Variants in IFFO1 observed in about 807,000 individuals in gnomAD.
IFFO1 encodes non-homologous end joining factor IFFO1.
IFFO1 carries 42 observed loss-of-function variants against 59.6 expected under a neutral mutation model. That is an observed-to-expected ratio of 0.70 (90% CI 0.55 to 0.91). IFFO1 has a LOEUF of 0.91. Ranked by LOEUF, IFFO1 falls within the 40% of genes least tolerant of loss-of-function variation. IFFO1 has a pLI of 0.00. For synonymous variants in IFFO1, 336 were observed against 342.8 expected (o/e 0.98, Z 0.22); for missense variants, 711 against 793.2 (o/e 0.90, Z 1.24).
intron 8 of IFFO1, among the ~76,000 whole-genome samples, 200 bp downstream of exon 8, chr12:6,547,865 C>G (rs1016197918): frequency 6.6e-6 from 1 of 152,078 alleles, no homozygotes; most frequent in South Asian, 2.1e-4. Context: ...AGTAACAGAG[C>G]TGAGATTTGA....
chr12:6,550,091 G>A (rs1341471212), intron 3 of IFFO1, 195 bp from the exon 4 acceptor site: 1 of 561,516 alleles, frequency 1.8e-6, no homozygotes, highest in Non-Finnish European at 3.0e-6. Context: ...TGCTGGGCAT[G>A]GGGCGGCTCG....
Position 6,549,143 on chromosome 12 carries a change from G to A in IFFO1, c.1081-294C>T. 5 of 503,598 alleles carry A rather than the reference G, an allele frequency of 9.9e-6. No individual in the cohort carries two copies. The highest frequency in any genetic ancestry group is 1.4e-5 in the Non-Finnish European group (4 of 286,874). The allele number at this position is 503,598 out of a possible 1,614,324, so 31.2% of individuals were successfully genotyped here. A position where few individuals can be genotyped will look rare whatever the true frequency, so the allele number is the denominator to read the frequency against. On this transcript the variant is annotated intron_variant, in intron 5 of 9. Transcript: ENST00000619571. The surrounding 1 kb of genome is among the most constrained non-coding windows in gnomAD (Gnocchi z 5.0). ...CAGTCAGATGTGCATGATGGCTCAA[G>A]AGGAAATTTTTTTCTAAAAAAAGTC...
In IFFO1 at chr12:6,555,883, A is replaced by G; in HGVS notation, c.147T>C (p.Ala49=). Residue 49 remains alanine (A), a synonymous_variant, in exon 1 of 10, where the codon GCT becomes GCC. Coordinates refer to ENST00000619571, the MANE Select transcript of IFFO1 (RefSeq NM_001193457.2). The surrounding 1 kb of genome is among the most constrained non-coding windows in gnomAD (Gnocchi z 8.6). ...GGCCCGGCCCGGGCGGCGAGTAGGC[A>G]GCAGGGCCGGCCGGCGAGAGAGGCG... ...PPAPLSPAGP[A]AYSPPGPGPA... is the part of the protein sequence containing the mutation. 6.9e-6 allele frequency: 11 copies of G among 1,595,260 alleles called. No homozygotes were observed. Among genetic ancestry groups the G allele is most frequent in the Non-Finnish European group, 7.7e-6 (9 of 1,173,608 alleles).
chr12:6,554,275 C>T (rs1005153731), intron 1 of IFFO1, among the ~76,000 whole-genome samples: 5 of 152,136 alleles, frequency 3.3e-5, no homozygotes, highest in Non-Finnish European at 5.9e-5. Context: ...GTCATAATAG[C>T]TGAGATGAGA....
rs547588473 is a variant in IFFO1, at chr12:6,545,701, A to G, written c.1479+2364T>C. 7.3e-5 allele frequency among the ~76,000 whole-genome samples: 11 copies of G among 150,284 alleles called. No individual in the cohort carries two copies. The East Asian group carries it at 2.2e-3, about 30-fold the overall frequency. ...TGACACAGCGAGACTCCGTCTCGGA[A>G]AAAAAAAAAAAAACCTCACTCTATC... On this transcript the variant is annotated intron_variant, in intron 8 of 9. Transcript: ENST00000619571.
In IFFO1 at chr12:6,540,451, G is replaced by T; in HGVS notation, c.*32C>A. ...TCTGCCTCGCTGAGCTCCCTGCTGC[G>T]AGGGCCTCGGGTGCAAGGGGGAGGC... On this transcript the variant is annotated 3_prime_UTR_variant, in exon 10 of 10. Transcript: ENST00000619571. 1 of 1,548,746 alleles carries T rather than the reference G, an allele frequency of 6.5e-7. No individual in the cohort carries two copies. The highest frequency in any genetic ancestry group is 8.9e-7 in the Non-Finnish European group (1 of 1,120,752).
At chr12:6,552,512 C>G (rs1947274937) in intron 1 of IFFO1, among the ~76,000 whole-genome samples, 1 of 152,214 alleles carries the variant, frequency 6.6e-6, no homozygotes. Context: ...AGCTAAGACC[C>G]TTATCTTTTC....
In IFFO1 at chr12:6,549,175, A is replaced by G; in HGVS notation, c.1080+301T>C. 2.0e-6 allele frequency: 1 copy of G among 504,858 alleles called. No individual in the cohort carries two copies. The highest frequency in any genetic ancestry group is 3.5e-6 in the Non-Finnish European group (1 of 288,252). The allele number at this position is 504,858 out of a possible 1,614,324, so 31.3% of individuals were successfully genotyped here. A position where few individuals can be genotyped will look rare whatever the true frequency, so the allele number is the denominator to read the frequency against. ...TTTTTTTCTAAAAAAAGTCTTTTTG[A>G]TTAAATGACTCAACTAAAAAAAAAA... On this transcript the variant is annotated intron_variant, in intron 5 of 9. Coordinates refer to ENST00000619571, the MANE Select transcript of IFFO1 (RefSeq NM_001193457.2). The surrounding 1 kb of genome is among the most constrained non-coding windows in gnomAD (Gnocchi z 5.0).
chr12:6,555,176 T>A lies in IFFO1; in HGVS notation c.773+81A>T. 7.1e-7 allele frequency: 1 copy of A among 1,402,278 alleles called. No homozygotes were observed. The highest frequency in any genetic ancestry group is 1.0e-6 in the Non-Finnish European group (1 of 989,204). The allele number at this position is 1,402,278 out of a possible 1,614,324, so 86.9% of individuals were successfully genotyped here. The stretch of plus-strand genomic sequence containing the variant: ...TTACTCTCATTCTTTTCACCCCTGA[T>A]TCTTCGGAACCCACACCAACTCGCG... On this transcript the variant is annotated intron_variant, in intron 1 of 9. Coordinates refer to ENST00000619571, the MANE Select transcript of IFFO1 (RefSeq NM_001193457.2). This position sits in a 1 kb window ranked among gnomAD's most constrained non-coding sequence, Gnocchi z 8.6.
At chr12:6,550,852 C>T in intron 2 of IFFO1, 62 bp from the exon 3 acceptor site, 1 of 1,602,628 alleles carries the variant, frequency 6.2e-7, no homozygotes, top group Non-Finnish European at 8.5e-7. Context: ...GATAAAGATG[C>T]CAAGGAGGGA....
intron 1 of IFFO1, 36 bp from the exon 2 acceptor site, chr12:6,551,037 A>G (rs763372317): frequency 3.7e-6 from 6 of 1,607,932 alleles, no homozygotes; most frequent in South Asian, 3.3e-5. Flanking sequence ...GAGCTTAGGT[A>G]CAGAGTCCTT....
At chr12:6,545,734 G>A (rs988802192) in intron 8 of IFFO1, among the ~76,000 whole-genome samples, 1 of 150,794 alleles carries the variant, frequency 6.6e-6, no homozygotes, top group Non-Finnish European at 1.5e-5. Flanking sequence ...ATCCAGACCA[G>A]GACATGAACC....
rs1947392701 is a variant in IFFO1 at position 6,555,405 on chromosome 12, G to C, written c.625C>G (p.Leu209Val). The change falls in exon 1 of 10, where the codon CTG becomes GTG. Residue 209 changes from leucine to valine, a missense_variant. Leu to Val is a conservative substitution (Grantham distance 32, BLOSUM62 1). Coordinates refer to ENST00000619571, the MANE Select transcript of IFFO1 (RefSeq NM_001193457.2). The surrounding 1 kb of genome is among the most constrained non-coding windows in gnomAD (Gnocchi z 8.6). ...GGCCCTTGCACCAGAGTGGGCTCCA[G>C]TCCCGGCCCGAGCCGGCGGGCGTGC... The part of the protein sequence containing the change: ...FSHARRLGPG[L>V]EPTLVQGPGL... 7 of 1,614,118 alleles carry C rather than the reference G, an allele frequency of 4.3e-6. No homozygotes were observed. The highest frequency in any genetic ancestry group is 5.9e-6 in the Non-Finnish European group (7 of 1,179,984).
At position 6,540,480 on chromosome 12, in the gene IFFO1, T is replaced by C. The variant is rs767978789; in HGVS notation, c.*3A>G. ...GCCTCGGGTGCAAGGGGGAGGCAGG[T>C]CTCTATCTCATGGAGCTGTCAGATG... On this transcript the variant is annotated 3_prime_UTR_variant, in exon 10 of 10. Coordinates refer to ENST00000619571, the MANE Select transcript of IFFO1 (RefSeq NM_001193457.2). The C allele has an allele frequency of 1.2e-6, 2 of 1,611,918 alleles. No homozygotes were observed. The highest frequency in any genetic ancestry group is 1.7e-6 in the Non-Finnish European group (2 of 1,178,136).
chr12:6,541,382 G>A lies in IFFO1; in HGVS notation c.1610+130C>T. ...TGTGGGTCTGGGCCAGCCCCACCAG[G>A]TAACTCCCAAAGGGCAGCCCCACAG... On this transcript the variant is annotated intron_variant, in intron 9 of 9. Coordinates refer to ENST00000619571, the MANE Select transcript of IFFO1 (RefSeq NM_001193457.2). The surrounding 1 kb of genome is among the most constrained non-coding windows in gnomAD (Gnocchi z 4.8). The A allele has an allele frequency of 3.4e-6, 4 of 1,187,714 alleles. No individual in the cohort carries two copies. The highest frequency in any genetic ancestry group is 1.4e-5 in the South Asian group (1 of 69,932). 73.6% of individuals were successfully genotyped at this position (1,187,714 alleles called of 1,614,324 possible).
In IFFO1 at chr12:6,548,851, T is replaced by C. The variant is rs1374829561; in HGVS notation, c.1081-2A>G. 1.9e-6 allele frequency: 3 copies of C among 1,604,498 alleles called. No homozygotes were observed. In the East Asian group the frequency reaches 6.8e-5, roughly 36 times the overall value. ...CTTAATGGGAGACAAGTGCAGAGAC[T>C]ACAGAGACGAGGCCGGGTGCATGAG... is the stretch of plus-strand genomic sequence containing the variant. On this transcript the variant is annotated splice_acceptor_variant, in intron 5 of 9. Transcript: ENST00000619571. LOFTEE classifies it high-confidence loss of function. The surrounding 1 kb of genome is among the most constrained non-coding windows in gnomAD (Gnocchi z 6.1).
At chr12:6,554,924 C>T (rs995980459) in intron 1 of IFFO1, among the ~76,000 whole-genome samples, 1 of 152,240 alleles carries the variant, frequency 6.6e-6, no homozygotes. Flanking sequence ...ATATCCCTAA[C>T]CTGCCCCAGG....
Position 6,540,432 on chromosome 12 carries a change from TC to T in IFFO1, c.*50del. 1 of 1,452,110 alleles carries T rather than the reference TC, an allele frequency of 6.9e-7. No individual in the cohort carries two copies. The highest frequency in any genetic ancestry group is 2.3e-5 in the East Asian group (1 of 44,112). 90.0% of individuals were successfully genotyped at this position (1,452,110 alleles called of 1,614,324 possible). ...CCTCTGTGCAGCCCCACCCTCTGCC[TC>T]GCTGAGCTCCCTGCTGCGAGGGCCT... On this transcript the variant is annotated 3_prime_UTR_variant, in exon 10 of 10. Coordinates refer to ENST00000619571, the MANE Select transcript of IFFO1 (RefSeq NM_001193457.2).
chr12:6,548,594 C>A lies in IFFO1; in HGVS notation c.1263-49G>T, dbSNP rs537022671. On this transcript the variant is annotated intron_variant, in intron 6 of 9. Transcript: ENST00000619571. The surrounding 1 kb of genome is among the most constrained non-coding windows in gnomAD (Gnocchi z 6.1). ...CAGGGCGGGCGGGGCCTCGTCCTGG[C>A]GGGGGACTGGGGAGCTCCGGCCTCC... is the stretch of plus-strand genomic sequence containing the variant. 2.5e-6 allele frequency: 4 copies of A among 1,613,542 alleles called. No individual in the cohort carries two copies. Among genetic ancestry groups the A allele is most frequent in the South Asian group, 1.1e-5 (1 of 91,020 alleles).
Sources: allele counts gnomAD v4.1 joint callset (sites outside exome capture counted in the v4.1 genomes callset), GRCh38; gene constraint gnomAD v4.1.1; non-coding constraint Gnocchi (gnomAD v3.1); transcripts MANE v1.5; gene names NCBI Gene and HGNC (gene_info 2026-07-23, HGNC 2026-07-21).